NUP133: variants seen among roughly 807,000 people sequenced by gnomAD.
The protein encoded by NUP133 is nucleoporin 133, also known as nuclear pore complex protein Nup133.
A neutral mutation model predicts 146.2 loss-of-function variants in NUP133; 66 were observed. The ratio of observed to expected loss-of-function variants is 0.45; its 90% confidence interval spans 0.37 to 0.55. NUP133 has a LOEUF of 0.55. Ranked by LOEUF, NUP133 falls within the 20% of genes least tolerant of loss-of-function variation. The pLI is 0.00. For missense variants in NUP133, 1,277 were observed against 1,374.8 expected, an observed-to-expected ratio of 0.93 and a Z score of 1.12; for synonymous variants, 521 against 498.8, an observed-to-expected ratio of 1.04 and a Z score of -0.59.
At chr1:229,467,272 T>C (rs965645073) in intron 15 of NUP133, among the ~76,000 whole-genome samples, 5 of 152,242 alleles carry the variant, frequency 3.3e-5, no homozygotes, top group Non-Finnish European at 5.9e-5. Context: ...AATTAATACA[T>C]GGAGATAACA....
intron 14 of NUP133, 50 bp from the exon 15 acceptor site, chr1:229,470,854 C>A: frequency 2.6e-6 from 4 of 1,537,714 alleles, no homozygotes; most frequent in African/African-American, 1.4e-5. Flanking sequence ...TGGTAACATG[C>A]AAAATACCAT....
rs930596516 is a variant in NUP133 at position 229,441,007 on chromosome 1, C to G, written c.*897G>C. 1 of 158,736 alleles carries G rather than the reference C, an allele frequency of 6.3e-6. No individual in the cohort carries two copies. The highest frequency in any genetic ancestry group is 2.4e-5 in the African/African-American group (1 of 41,600). 9.8% of individuals were successfully genotyped at this position (158,736 alleles called of 1,614,324 possible). The stretch of plus-strand genomic sequence containing the variant: ...CAGCAACTCCCTGTCCAACCTCTGG[C>G]CTTTATTTAAAACCCAGATAAACAT... On this transcript the variant is annotated 3_prime_UTR_variant, in exon 26 of 26. Transcript: ENST00000261396.
intron 21 of NUP133, among the ~76,000 whole-genome samples, chr1:229,457,682 T>C (rs946712618): frequency 1.3e-5 from 2 of 152,234 alleles, no homozygotes; most frequent in African/African-American, 4.8e-5. Context: ...TTTTTAATTC[T>C]TTTTTCCCCA....
rs1000489430 is a variant in NUP133 at position 229,502,514 on chromosome 1, G to A, written c.302-412C>T. ...GTGGAGGTTCCAGTGAGCCGAGATC[G>A]TGCCACTGCACTCCAGCATGGGCAA... On this transcript the variant is annotated intron_variant, in intron 2 of 25. Coordinates refer to ENST00000261396, the MANE Select transcript of NUP133 (RefSeq NM_018230.3). Among the ~76,000 whole-genome samples the A allele has an allele frequency of 1.6e-4, 22 of 136,456 alleles. No individual in the cohort carries two copies. In the South Asian group the frequency reaches 1.8e-3, roughly 11 times the overall value. The allele number at this position is 136,456 out of a possible 152,430, so 89.5% of individuals were successfully genotyped here. A position where few individuals can be genotyped will look rare whatever the true frequency, so the allele number is the denominator to read the frequency against.
intron 12 of NUP133, 31 bp from the exon 13 acceptor site, chr1:229,477,791 A>T: frequency 6.5e-7 from 1 of 1,543,678 alleles, no homozygotes; most frequent in Non-Finnish European, 8.8e-7. Context: ...ACAAGTATTA[A>T]GGGAGGCAAA....
At chr1:229,506,186 C>T in intron 1 of NUP133, 28 bp from the exon 2 acceptor site, 2 of 1,293,988 alleles carry the variant, frequency 1.5e-6, no homozygotes, top group South Asian at 1.4e-5. Context: ...TATTACCTTA[C>T]TTGTAACTTA....
chr1:229,480,850 C>CTT, intron 12 of NUP133, among the ~76,000 whole-genome samples: 1 of 140,124 alleles, frequency 7.1e-6, no homozygotes, highest in African/African-American at 2.9e-5. Context: ...CCACACCCAG[C>CTT]TATTTTTTTT....
intron 22 of NUP133, among the ~76,000 whole-genome samples, chr1:229,452,001 T>C (rs540875865): frequency 1.3e-5 from 2 of 152,326 alleles, no homozygotes; most frequent in African/African-American, 4.8e-5. Flanking sequence ...ATTTTAATTG[T>C]TTGCCTTTTC....
In NUP133 at chr1:229,486,469, T is replaced by C. The variant is rs1263174463; in HGVS notation, c.1402A>G (p.Ser468Gly). 1.2e-6 allele frequency: 2 copies of C among 1,610,764 alleles called. No homozygotes were observed. Among genetic ancestry groups the C allele is most frequent in the East Asian group, 2.2e-5 (1 of 44,724 alleles). ...CTTGAAGTAATAGACACCAGTCCAC[T>C]GTTTCTAGAAAAAATGATAGGAACA... ...GGVPIIFSRN[S>G]GLVSITSREN... The change falls in exon 11 of 26, where the codon AGT (serine) becomes GGT (glycine). Residue 468 changes from serine to glycine, a missense_variant. Ser to Gly is a moderately conservative substitution (Grantham distance 56). This residue lies in a region of NUP133 where 952 missense variants were observed against 1,047.0 expected (regional missense o/e 0.91). Transcript: ENST00000261396.
In NUP133 at chr1:229,498,141, G is replaced by A. The variant is rs1011778325; in HGVS notation, c.814C>T (p.Leu272Phe). The change falls in exon 6 of 26, where the codon CTC becomes TTC. Residue 272 changes from leucine (L) to phenylalanine (F), a missense_variant. This residue lies in a region of NUP133 where 952 missense variants were observed against 1,047.0 expected (regional missense o/e 0.91). Coordinates refer to ENST00000261396, the MANE Select transcript of NUP133 (RefSeq NM_018230.3). ...LFGILSPSSD[L>F]TLSSVLWDRE... ...TAGTTATTTTATAAACTTACTGTGAGATCACTACTAGGAGATAAAATTCCA... is the reference window on the plus strand; with the variant it reads ...TAGTTATTTTATAAACTTACTGTGAAATCACTACTAGGAGATAAAATTCCA... The A allele has an allele frequency of 8.2e-6, 13 of 1,575,898 alleles. No individual in the cohort carries two copies. Among genetic ancestry groups the A allele is most frequent in the Non-Finnish European group, 1.1e-5 (13 of 1,165,750 alleles).
intron 20 of NUP133, among the ~76,000 whole-genome samples, chr1:229,458,646 A>G (rs1660620804): frequency 6.6e-6 from 1 of 152,062 alleles, no homozygotes; most frequent in Non-Finnish European, 1.5e-5. Flanking sequence ...AAGGCCAATG[A>G]CTGTTACAGA....
intron 2 of NUP133, among the ~76,000 whole-genome samples, chr1:229,504,138 T>A (rs2077801): frequency 6.6e-6 from 1 of 152,098 alleles, no homozygotes; most frequent in Non-Finnish European, 1.5e-5. Flanking sequence ...CAGAGTAATT[T>A]CAGCATTTTT....
At chr1:229,503,778 T>C (rs1389686471) in intron 2 of NUP133, among the ~76,000 whole-genome samples, 2 of 152,198 alleles carry the variant, frequency 1.3e-5, no homozygotes, top group East Asian at 1.9e-4. Flanking sequence ...TTAACAGTAG[T>C]TGGCAGGTTT....
chr1:229,449,884 T>A (rs868629637), intron 23 of NUP133, among the ~76,000 whole-genome samples: 5,432 of 121,544 alleles, frequency 0.045, 463 homozygotes, highest in African/African-American at 0.13. Flanking sequence ...TTTTTTTTTT[T>A]TTTTTTTTTT....
chr1:229,499,592 G>A (rs1661746225), intron 5 of NUP133, 92 bp downstream of exon 5: 1 of 1,356,092 alleles, frequency 7.4e-7, no homozygotes, highest in Non-Finnish European at 1.0e-6. Flanking sequence ...AACATAAGGA[G>A]ATCCCACCTC....
chr1:229,452,430 A>T, intron 22 of NUP133, 95 bp downstream of exon 22: 1 of 869,246 alleles, frequency 1.2e-6, no homozygotes, highest in South Asian at 2.8e-5. Context: ...GCAGTAGAAC[A>T]ATAACTCCTC....
At chr1:229,479,235 G>A (rs929478359) in intron 12 of NUP133, among the ~76,000 whole-genome samples, 3 of 152,186 alleles carry the variant, frequency 2.0e-5, no homozygotes, top group African/African-American at 7.2e-5. Context: ...ACAAAAAGGC[G>A]ACCTTCTGCA....
intron 21 of NUP133, among the ~76,000 whole-genome samples, chr1:229,456,043 T>C (rs779525546): frequency 6.6e-6 from 1 of 152,214 alleles, no homozygotes; most frequent in Non-Finnish European, 1.5e-5. Context: ...TTTTGAAGAG[T>C]CTAGGGCAAC....
At chr1:229,458,795 C>T (rs1273441629) in intron 20 of NUP133, among the ~76,000 whole-genome samples, 3 of 149,268 alleles carry the variant, frequency 2.0e-5, no homozygotes, top group South Asian at 2.1e-4. Flanking sequence ...ACTCAACCTT[C>T]GCCTCCCGGG....
Sources: gnomAD v4.1 joint callset for allele counts (sites outside exome capture counted in the v4.1 genomes callset) on GRCh38, gnomAD v4.1.1 for gene constraint, gnomAD v4.1.1 regional missense constraint, MANE v1.5 for transcripts, NCBI Gene and HGNC (gene_info 2026-07-23, HGNC 2026-07-21) for gene names.